Variants in ANKRD31 observed in about 807,000 individuals in gnomAD.
ANKRD31 encodes the protein ankyrin repeat domain-containing protein 31.
In ANKRD31, 147 loss-of-function variants were observed where a neutral mutation model predicts 186.0. The observed-to-expected ratio is 0.79, with a 90% confidence interval of 0.69 to 0.91. The LOEUF is 0.91. Among genes scored for constraint, ANKRD31 ranks in the 40% least tolerant of loss-of-function variants. The probability of loss-of-function intolerance (pLI) is 0.00; values close to 1 mark genes in which losing one functional copy is unlikely to be tolerated. For synonymous variants in ANKRD31, 673 were observed against 736.4 expected (o/e 0.91, Z 1.39); for missense variants, 1,986 against 2,148.8 (o/e 0.92, Z 1.50).
intron 25 of ANKRD31, among the ~76,000 whole-genome samples, chr5:75,071,750 G>A (rs1440351521): frequency 1.3e-5 from 2 of 151,866 alleles, no homozygotes; most frequent in African/African-American, 2.4e-5. Context: ...TGCCCACCTC[G>A]GCCTCCCAAA....
chr5:75,206,536 G>C (rs1756259745), intron 4 of ANKRD31, 49 bp from the exon 5 acceptor site: 2 of 1,089,524 alleles, frequency 1.8e-6, no homozygotes, highest in Admixed American at 7.1e-5. Flanking sequence ...AGAAAAAATA[G>C]TGTTTCTCAT....
intron 13 of ANKRD31, among the ~76,000 whole-genome samples, chr5:75,148,102 A>G (rs1751604676): frequency 6.6e-6 from 1 of 151,850 alleles, no homozygotes. Flanking sequence ...ATGGAAGCAG[A>G]AAAATTGACT....
Position 75,071,794 on chromosome 5 carries a change from G to A in ANKRD31, c.5648-3130C>T, listed in dbSNP as rs932260054. Among the ~76,000 whole-genome samples the A allele has an allele frequency of 3.9e-5, 6 of 152,016 alleles. No individual in the cohort carries two copies. In the East Asian group the frequency reaches 9.6e-4, roughly 24 times the overall value. The stretch of plus-strand genomic sequence containing the variant: ...ATTACAGGTATGAGCCACCGCGCCC[G>A]GCCGAAAAACTGTTCTTAATAAAGC... On this transcript the variant is annotated intron_variant, in intron 25 of 25. Coordinates refer to ENST00000506364, the MANE Select transcript of ANKRD31 (RefSeq NM_001372053.1).
At position 75,146,283 on chromosome 5, in the gene ANKRD31, G is replaced by C. The variant is rs1357199349; in HGVS notation, c.3128C>G (p.Thr1043Ser). The C allele has an allele frequency of 6.5e-7, 1 of 1,536,460 alleles. No individual in the cohort carries two copies. The highest frequency in any genetic ancestry group is 2.4e-5 in the East Asian group (1 of 40,872). The change falls in exon 14 of 26, where the codon ACT becomes AGT. Residue 1043 changes from threonine to serine, a missense_variant. By Grantham distance (58) the Thr-to-Ser change is moderately conservative. Transcript: ENST00000506364. ...KPQDYIPRAP[T>S]FLMNQTDTHI... ...TGTATCTGTTTGATTCATTAAAAAA[G>C]TTGGTGCTCTGGGAATATAATCCTG...
intron 11 of ANKRD31, among the ~76,000 whole-genome samples, chr5:75,166,856 G>A (rs1365953979): frequency 2.0e-5 from 3 of 152,104 alleles, no homozygotes; most frequent in South Asian, 4.1e-4. Flanking sequence ...ACATTGAGCT[G>A]ATCATTTGTA....
chr5:75,115,507 C>T (rs1421084073), intron 19 of ANKRD31, among the ~76,000 whole-genome samples: 1 of 150,778 alleles, frequency 6.6e-6, no homozygotes, highest in African/African-American at 2.4e-5. Flanking sequence ...GCAACCTACT[C>T]ATCTGACAAA....
intron 18 of ANKRD31, among the ~76,000 whole-genome samples, chr5:75,116,941 T>C (rs969254242): frequency 1.2e-4 from 18 of 152,184 alleles, no homozygotes; most frequent in Admixed American, 5.9e-4. Context: ...TAGTTTATTA[T>C]ATCCATTTTA....
Position 75,199,676 on chromosome 5 carries a change from T to C in ANKRD31, c.404-2A>G. On this transcript the variant is annotated splice_acceptor_variant, in intron 5 of 25. Coordinates refer to ENST00000506364, the MANE Select transcript of ANKRD31 (RefSeq NM_001372053.1). LOFTEE classifies it high-confidence loss of function. ...CTTCAGGACTTTCAGCCTCTGGCCCTAGAAAAAAACAATGTGTTTTCATTC... is the reference window on the plus strand; with the variant it reads ...CTTCAGGACTTTCAGCCTCTGGCCCCAGAAAAAAACAATGTGTTTTCATTC... The C allele has an allele frequency of 6.5e-7, 1 of 1,531,902 alleles. No individual in the cohort carries two copies. Among genetic ancestry groups the C allele is most frequent in the Non-Finnish European group, 8.7e-7 (1 of 1,144,106 alleles). 94.9% of individuals were successfully genotyped at this position (1,531,902 alleles called of 1,614,324 possible). A position where few individuals can be genotyped will look rare whatever the true frequency, so the allele number is the denominator to read the frequency against.
At chr5:75,221,678 C>A (rs1757311704) in intron 3 of ANKRD31, among the ~76,000 whole-genome samples, 1 of 152,002 alleles carries the variant, frequency 6.6e-6, no homozygotes, top group South Asian at 2.1e-4. Flanking sequence ...TTTTTTCAAC[C>A]CCTGCCGCCC....
chr5:75,129,676 G>A (rs1212205714), intron 17 of ANKRD31, among the ~76,000 whole-genome samples: 1 of 152,148 alleles, frequency 6.6e-6, no homozygotes, highest in Non-Finnish European at 1.5e-5. Context: ...GTCCCAAGAT[G>A]GCTGAATAGG....
At chr5:75,218,789 C>T (rs377323892) in intron 3 of ANKRD31, among the ~76,000 whole-genome samples, 6 of 152,078 alleles carry the variant, frequency 3.9e-5, no homozygotes, top group Admixed American at 2.0e-4. Context: ...AATGCTTCAA[C>T]GTATTCAAAT....
chr5:75,094,526 TC>T (rs1263544765), intron 22 of ANKRD31, among the ~76,000 whole-genome samples: 1 of 151,772 alleles, frequency 6.6e-6, no homozygotes, highest in Non-Finnish European at 1.5e-5. Context: ...CAAGCACAAC[TC>T]AAAAAATATG....
In ANKRD31 at chr5:75,208,081, C is replaced by T. The variant is rs139580962; in HGVS notation, c.327-1594G>A. Among the ~76,000 whole-genome samples the T allele has an allele frequency of 2.6e-3, 391 of 151,892 alleles. 2 individuals carry two copies. The highest frequency in any genetic ancestry group is 8.4e-3 in the African/African-American group (348 of 41,432). ...TCTTTTCCAAAATGAAAAAAATTAG[C>T]GAGAGAAGTTGCAATTTTTGACATT... is the stretch of plus-strand genomic sequence containing the variant. On this transcript the variant is annotated intron_variant, in intron 4 of 25. Transcript: ENST00000506364.
At chr5:75,212,378 C>T (rs1756706911) in intron 3 of ANKRD31, among the ~76,000 whole-genome samples, 1 of 152,004 alleles carries the variant, frequency 6.6e-6, no homozygotes, top group Non-Finnish European at 1.5e-5. Flanking sequence ...TTTGGGAGGT[C>T]AACATAGGCA....
chr5:75,175,938 CGCCACACCCGG>C (rs1753761045), intron 10 of ANKRD31, among the ~76,000 whole-genome samples: 1 of 152,052 alleles, frequency 6.6e-6, no homozygotes, highest in Non-Finnish European at 1.5e-5. Context: ...GGTGAGGCAT[CGCCACACCCGG>C]GAAGCGCAAG....
At chr5:75,136,558 C>G (rs561338031) in intron 17 of ANKRD31, among the ~76,000 whole-genome samples, 1 of 152,062 alleles carries the variant, frequency 6.6e-6, no homozygotes, top group Non-Finnish European at 1.5e-5. Context: ...ACTTTTACAC[C>G]ATTGGTGGGA....
At chr5:75,095,725 GC>G (rs1193584114) in intron 22 of ANKRD31, among the ~76,000 whole-genome samples, 6 of 152,160 alleles carry the variant, frequency 3.9e-5, no homozygotes, top group Non-Finnish European at 7.3e-5. Context: ...GAGTAGTGAT[GC>G]TGGCATACTG....
chr5:75,197,640 A>G (rs1462660312), intron 6 of ANKRD31, among the ~76,000 whole-genome samples: 1 of 152,136 alleles, frequency 6.6e-6, no homozygotes, highest in Non-Finnish European at 1.5e-5. Flanking sequence ...ACCAGATCCT[A>G]CTCACTCTCT....
intron 11 of ANKRD31, 103 bp from the exon 12 acceptor site, chr5:75,154,448 A>T: frequency 9.6e-7 from 1 of 1,039,276 alleles, no homozygotes; most frequent in Non-Finnish European, 1.3e-6. Flanking sequence ...CTCTTTTGAA[A>T]ATACTGTTTG....
Sources: allele counts gnomAD v4.1 joint callset (sites outside exome capture counted in the v4.1 genomes callset), GRCh38; gene constraint gnomAD v4.1.1; transcripts MANE v1.5; gene names NCBI Gene and HGNC (gene_info 2026-07-23, HGNC 2026-07-21).